Variants in ALK observed in about 807,000 individuals in gnomAD.
The protein encoded by ALK is ALK tyrosine kinase receptor.
A neutral mutation model predicts 163.1 loss-of-function variants in ALK; 74 were observed. That is an observed-to-expected ratio of 0.45 (90% confidence interval 0.38 to 0.55). The LOEUF (loss-of-function observed/expected upper bound fraction) is 0.55, where lower values mean the gene tolerates loss of function less well. Ranked by LOEUF, ALK falls within the 20% of genes least tolerant of loss-of-function variation. The pLI is 0.00. For synonymous variants in ALK, 960 were observed against 843.2 expected, an observed-to-expected ratio of 1.14 and a Z score of -2.40; for missense variants, 2,063 against 2,105.3, an observed-to-expected ratio of 0.98 and a Z score of 0.39.
chr2:29,859,329 A>G (rs1405927255), intron 1 of ALK, among the ~76,000 whole-genome samples: 16 of 152,238 alleles, frequency 1.1e-4, no homozygotes, highest in Admixed American at 1.0e-3. Context: ...GGCATGAAAG[A>G]GAGGCTTACA....
chr2:29,670,393 T>C (rs1240651581), intron 3 of ALK, among the ~76,000 whole-genome samples: 2 of 152,068 alleles, frequency 1.3e-5, no homozygotes, highest in Admixed American at 6.6e-5. Flanking sequence ...ACCAGATGAA[T>C]TGGAGTTCCT....
intron 3 of ALK, among the ~76,000 whole-genome samples, chr2:29,585,063 C>T (rs549449549): frequency 6.6e-6 from 1 of 152,232 alleles, no homozygotes; most frequent in East Asian, 1.9e-4. Context: ...GTATTAAGGA[C>T]ATTCTAAGGT....
intron 4 of ALK, among the ~76,000 whole-genome samples, chr2:29,473,849 T>C (rs1671431693): frequency 1.0e-5 from 1 of 99,188 alleles, no homozygotes; most frequent in Admixed American, 1.0e-4. Context: ...GAGTGAGACT[T>C]TGTCAAAACA....
intron 1 of ALK, among the ~76,000 whole-genome samples, chr2:29,908,760 G>A (rs1667619206): frequency 6.6e-6 from 1 of 152,150 alleles, no homozygotes; most frequent in Non-Finnish European, 1.5e-5. Flanking sequence ...ACCCCAGCAG[G>A]AATTGACCTC....
intron 4 of ALK, among the ~76,000 whole-genome samples, chr2:29,446,855 T>A (rs1670697545): frequency 6.6e-6 from 1 of 152,222 alleles, no homozygotes; most frequent in Non-Finnish European, 1.5e-5. Context: ...TAGTTACCCT[T>A]CCAGCTGTTT....
intron 3 of ALK, among the ~76,000 whole-genome samples, chr2:29,633,138 C>T (rs551593773): frequency 2.0e-5 from 3 of 148,150 alleles, no homozygotes; most frequent in East Asian, 4.1e-4. Flanking sequence ...AGACATCTTA[C>T]ACTTTGGGCT....
Position 29,829,312 on chromosome 2 carries a change from TAA to T in ALK, c.667+90679_667+90680del, listed in dbSNP as rs61451401. On this transcript the variant is annotated intron_variant, in intron 1 of 28. Transcript: ENST00000389048. ...ATGTACCCTAAAACTTAAAGTATAATAAAAAAAAAAAAGAAAGAAAGATGAAG... is the reference window on the plus strand; with the variant it reads ...ATGTACCCTAAAACTTAAAGTATAATAAAAAAAAAAGAAAGAAAGATGAAG... Among the ~76,000 whole-genome samples the T allele has an allele frequency of 6.8e-4, 98 of 144,932 alleles. 1 individual carries two copies. The highest frequency in any genetic ancestry group is 2.4e-3 in the African/African-American group (93 of 39,460).
chr2:29,273,355 G>A (rs1665444736), intron 11 of ALK, among the ~76,000 whole-genome samples: 1 of 152,262 alleles, frequency 6.6e-6, no homozygotes, highest in Non-Finnish European at 1.5e-5. Context: ...TTGAGAATGA[G>A]GGGTCAAGTT....
chr2:29,613,840 T>C lies in ALK; in HGVS notation c.952+81010A>G, dbSNP rs530861867. ...CCCTGTGGTAACCAGGTTACTTAGC[T>C]TTGCAGATTCAGCTGGTCTTGCTTT... On this transcript the variant is annotated intron_variant, in intron 3 of 28. Transcript: ENST00000389048. Among the ~76,000 whole-genome samples the C allele has an allele frequency of 2.0e-5, 3 of 152,304 alleles. No homozygotes were observed. The East Asian group carries it at 5.8e-4, about 29-fold the overall frequency.
chr2:29,317,742 T>C (rs1174366527), intron 8 of ALK, among the ~76,000 whole-genome samples: 2 of 152,200 alleles, frequency 1.3e-5, no homozygotes, highest in Non-Finnish European at 2.9e-5. Flanking sequence ...CACTGTACCA[T>C]GCTGGGGTCT....
chr2:29,622,258 C>T (rs112201435), intron 3 of ALK, among the ~76,000 whole-genome samples: 1,932 of 152,226 alleles, frequency 0.013, 39 homozygotes, highest in African/African-American at 0.042. Context: ...CCTGTTTTCA[C>T]GCTGCTAATA....
chr2:29,510,967 C>T (rs186591356), intron 4 of ALK, among the ~76,000 whole-genome samples: 140 of 152,282 alleles, frequency 9.2e-4, no homozygotes, highest in African/African-American at 3.2e-3. Context: ...TGATCCTTTG[C>T]CTCTCTGCTC....
chr2:29,727,754 C>T lies in ALK; in HGVS notation c.668-10057G>A, dbSNP rs78841218. Among the ~76,000 whole-genome samples the T allele has an allele frequency of 4.2e-3, 641 of 152,338 alleles. 2 individuals carry two copies. The highest frequency in any genetic ancestry group is 0.014 in the Middle Eastern group (4 of 294). ...ATAGATAGGCCAACAGCCTGATTGG[C>T]TTCATCCTACTCTGGTGCTATGTCA... On this transcript the variant is annotated intron_variant, in intron 1 of 28. Coordinates refer to ENST00000389048, the MANE Select transcript of ALK (RefSeq NM_004304.5).
In ALK at chr2:29,311,460, CA is replaced by C. The variant is rs143415276; in HGVS notation, c.1647+6843del. 1.4e-3 allele frequency among the ~76,000 whole-genome samples: 213 copies of C among 152,070 alleles called. 3 individuals carry two copies. Among genetic ancestry groups the C allele is most frequent in the Admixed American group, 0.012 (187 of 15,282 alleles). On this transcript the variant is annotated intron_variant, in intron 8 of 28. Coordinates refer to ENST00000389048, the MANE Select transcript of ALK (RefSeq NM_004304.5). Reference sequence around the variant, plus strand: ...GTAGCTTCCTGGAGTGTTAGCCACTCAATAGTAAATAATGAGGCATGTTTTT... The same window carrying C: ...GTAGCTTCCTGGAGTGTTAGCCACTCATAGTAAATAATGAGGCATGTTTTT...
chr2:29,910,630 A>G (rs889172108), intron 1 of ALK, among the ~76,000 whole-genome samples: 3 of 152,190 alleles, frequency 2.0e-5, no homozygotes, highest in Non-Finnish European at 4.4e-5. Flanking sequence ...GGAAACAGGT[A>G]AAGAGCATCT....
At chr2:29,538,869 T>C (rs1431526289) in intron 3 of ALK, among the ~76,000 whole-genome samples, 1 of 152,328 alleles carries the variant, frequency 6.6e-6, no homozygotes, top group Non-Finnish European at 1.5e-5. Flanking sequence ...TCTTTCATAA[T>C]TCTTGATTTT....
At chr2:29,343,950 A>G (rs900723542) in intron 5 of ALK, among the ~76,000 whole-genome samples, 1 of 152,184 alleles carries the variant, frequency 6.6e-6, no homozygotes, top group African/African-American at 2.4e-5. Context: ...CAGAGTCTAC[A>G]ATTTCATTTA....
chr2:29,755,334 G>C (rs574006128), intron 1 of ALK, among the ~76,000 whole-genome samples: 2 of 152,334 alleles, frequency 1.3e-5, no homozygotes, highest in South Asian at 2.1e-4. Flanking sequence ...GGAAGCTCTA[G>C]AGTGTCAAAC....
intron 4 of ALK, among the ~76,000 whole-genome samples, chr2:29,399,504 G>A (rs1017721403): frequency 2.6e-5 from 4 of 152,232 alleles, no homozygotes; most frequent in Admixed American, 1.3e-4. Flanking sequence ...CAGGCAATGC[G>A]GAATGAAGAG....
Sources: allele counts gnomAD v4.1 joint callset (sites outside exome capture counted in the v4.1 genomes callset), GRCh38; gene constraint gnomAD v4.1.1; transcripts MANE v1.5; gene names NCBI Gene and HGNC (gene_info 2026-07-23, HGNC 2026-07-21).